RBBP8NL: variants seen among roughly 807,000 people sequenced by gnomAD.
RBBP8NL encodes the protein RBBP8 N-terminal-like protein.
RBBP8NL carries 59 observed loss-of-function variants against 62.2 expected under a neutral mutation model. The ratio of observed to expected loss-of-function variants is 0.95; its 90% confidence interval spans 0.77 to 1.18. RBBP8NL has a LOEUF of 1.18. Ranked by LOEUF, RBBP8NL falls within the 50% of genes most tolerant of loss-of-function variation. The probability of loss-of-function intolerance (pLI) is 0.00; values close to 1 mark genes in which losing one functional copy is unlikely to be tolerated. For missense variants in RBBP8NL, 896 were observed against 899.5 expected, an observed-to-expected ratio of 1.00 and a Z score of 0.05; for synonymous variants, 412 against 394.1, an observed-to-expected ratio of 1.05 and a Z score of -0.54.
intron 1 of RBBP8NL, among the ~76,000 whole-genome samples, chr20:62,426,509 A>G (rs890103686): frequency 6.6e-6 from 1 of 152,234 alleles, no homozygotes; most frequent in Non-Finnish European, 1.5e-5. Flanking sequence ...AGGTTTGGAC[A>G]CTGAGGCTTG....
At chr20:62,417,148 C>T (rs550717569) in intron 4 of RBBP8NL, 76 bp downstream of exon 4, 9 of 1,117,848 alleles carry the variant, frequency 8.1e-6, no homozygotes, top group African/African-American at 6.3e-5. Context: ...ACTCATTCTC[C>T]GAGGAGCCCT....
Position 62,415,793 on chromosome 20 carries a change from C to A in RBBP8NL, c.539G>T (p.Gly180Val), listed in dbSNP as rs1165220992. 6.8e-6 allele frequency: 11 copies of A among 1,611,882 alleles called. No individual in the cohort carries two copies. Among genetic ancestry groups the A allele is most frequent in the Non-Finnish European group, 8.5e-6 (10 of 1,179,878 alleles). ...EEDHQGVGLR[G>V]EEKPAGHRTS... is the part of the protein sequence containing the mutation. ...TCACCCGGTCCCCACAGCACCTTCT[C>A]CCCGTAGGCCCACGCCCTGGTGGTC... The change falls in exon 7 of 14, where the codon GGA becomes GTA. Residue 180 changes from glycine to valine, a missense_variant. Coordinates refer to ENST00000252998, the MANE Select transcript of RBBP8NL (RefSeq NM_080833.3).
rs1988499228 is a variant in RBBP8NL, at chr20:62,414,011, C to T, written c.1340G>A (p.Trp447Ter). ...AGTGTCCTGGCCCCGGGCCCGGCCC[C>T]ACTCCGAGAGGTCCAGGGGCTTGTC... is the stretch of plus-strand genomic sequence containing the variant. ...ALDKPLDLSE[W>*]GRARGQDTPK... Residue 447 changes from tryptophan to a stop codon, truncating the protein, a stop_gained, in exon 10 of 14, where the codon TGG (tryptophan) becomes TAG (stop). Transcript: ENST00000252998. LOFTEE classifies it high-confidence loss of function. 1 of 1,580,666 alleles carries T rather than the reference C, an allele frequency of 6.3e-7. No homozygotes were observed. The highest frequency in any genetic ancestry group is 2.3e-5 in the East Asian group (1 of 43,258).
At position 62,415,163 on chromosome 20, in the gene RBBP8NL, C is replaced by A; in HGVS notation, c.752G>T (p.Ser251Ile). 1 of 1,515,142 alleles carries A rather than the reference C, an allele frequency of 6.6e-7. No individual in the cohort carries two copies. The highest frequency in any genetic ancestry group is 1.3e-5 in the South Asian group (1 of 76,732). 93.9% of individuals were successfully genotyped at this position (1,515,142 alleles called of 1,614,324 possible). ...GTPPPLPARS[S>I]PPSPAYERGL... ...ACGCTCATACGCTGGGCTGGGTGGG[C>A]TGCTCCTGGCGGGCAGTGGTGGGGG... is the stretch of plus-strand genomic sequence containing the variant. The change falls in exon 9 of 14, where the codon AGC becomes ATC. Residue 251 changes from serine to isoleucine, a missense_variant. Physicochemically the swap from Ser to Ile is moderately radical, Grantham distance 142. Coordinates refer to ENST00000252998, the MANE Select transcript of RBBP8NL (RefSeq NM_080833.3).
At chr20:62,426,096 G>A (rs867524717) in intron 1 of RBBP8NL, among the ~76,000 whole-genome samples, 37 of 151,032 alleles carry the variant, frequency 2.4e-4, no homozygotes, top group African/African-American at 3.7e-4. Flanking sequence ...AAGTAGCAGC[G>A]GCAGCGGCAG....
In RBBP8NL at chr20:62,412,764, G is replaced by T. The variant is rs778569647; in HGVS notation, c.1747-11C>A. On this transcript the variant is annotated splice_polypyrimidine_tract_variant and intron_variant, in intron 12 of 13. Transcript: ENST00000252998. ...GGAGCTCAGGCCCACCTGGGGAGAAGGGGGTGTGGTCACGAGGAGGACTGC... is the reference window on the plus strand; with the variant it reads ...GGAGCTCAGGCCCACCTGGGGAGAATGGGGTGTGGTCACGAGGAGGACTGC... The T allele has an allele frequency of 2.2e-5, 35 of 1,612,632 alleles. No homozygotes were observed. Among genetic ancestry groups the T allele is most frequent in the African/African-American group, 2.7e-5 (2 of 74,946 alleles).
intron 1 of RBBP8NL, among the ~76,000 whole-genome samples, chr20:62,425,591 G>A (rs1988786585): frequency 6.6e-6 from 1 of 152,200 alleles, no homozygotes; most frequent in South Asian, 2.1e-4. Flanking sequence ...GGGAGGCCGG[G>A]CCCCCTGAGC....
At chr20:62,425,510 C>T (rs766938853) in intron 1 of RBBP8NL, among the ~76,000 whole-genome samples, 1 of 152,254 alleles carries the variant, frequency 6.6e-6, no homozygotes, top group Non-Finnish European at 1.5e-5. Context: ...CAGCTGTGGC[C>T]CTGGCAGGAC....
At chr20:62,419,263 C>A (rs1988647488) in intron 2 of RBBP8NL, among the ~76,000 whole-genome samples, 1 of 152,146 alleles carries the variant, frequency 6.6e-6, no homozygotes, top group Admixed American at 6.5e-5. Flanking sequence ...AAAGCATGGG[C>A]AGCATGGGGC....
rs1156822081 is a variant in RBBP8NL, at chr20:62,416,744, G to A, written c.313+16C>T. The A allele has an allele frequency of 1.3e-6, 2 of 1,549,772 alleles. No homozygotes were observed. The highest frequency in any genetic ancestry group is 1.8e-6 in the Non-Finnish European group (2 of 1,138,530). On this transcript the variant is annotated intron_variant, in intron 5 of 13. Transcript: ENST00000252998. The stretch of plus-strand genomic sequence containing the variant: ...CCGTGGGAGAGGACCCCGGTTGTCT[G>A]GTGGGTGGGGCTCACTGAGGATGAA...
chr20:62,416,287 G>GC, intron 5 of RBBP8NL, 51 bp from the exon 6 acceptor site: 2 of 950,338 alleles, frequency 2.1e-6, no homozygotes, highest in East Asian at 2.7e-5. Context: ...GGGGACAGGG[G>GC]CAGGGGTGGG....
intron 1 of RBBP8NL, among the ~76,000 whole-genome samples, chr20:62,426,425 A>G (rs1372527684): frequency 6.6e-6 from 1 of 152,212 alleles, no homozygotes; most frequent in Non-Finnish European, 1.5e-5. Context: ...CACCCACTGC[A>G]TAGCTAGGTT....
rs1298813853 is a variant in RBBP8NL, at chr20:62,414,589, T to C, written c.795-33A>G. The C allele has an allele frequency of 2.6e-5, 36 of 1,401,636 alleles. 1 individual carries two copies. The South Asian group carries it at 6.4e-4, about 25-fold the overall frequency. 86.8% of individuals were successfully genotyped at this position (1,401,636 alleles called of 1,614,324 possible). On this transcript the variant is annotated intron_variant, in intron 9 of 13. Transcript: ENST00000252998. Reference sequence around the variant, plus strand: ...GGAGGAGAAGCCGAATGACCATGGCTGTGTGGAGCCGTGACCGTCCCAGCG... The same window carrying C: ...GGAGGAGAAGCCGAATGACCATGGCCGTGTGGAGCCGTGACCGTCCCAGCG...
At chr20:62,419,562 C>G in intron 2 of RBBP8NL, 25 bp downstream of exon 2, 1 of 1,612,922 alleles carries the variant, frequency 6.2e-7, no homozygotes, top group Non-Finnish European at 8.5e-7. Context: ...CCTCCCTAGC[C>G]TGGCATCTGT....
chr20:62,420,755 G>C (rs764582750), intron 1 of RBBP8NL, among the ~76,000 whole-genome samples: 1 of 152,236 alleles, frequency 6.6e-6, no homozygotes, highest in Non-Finnish European at 1.5e-5. Flanking sequence ...GTTCCAGGAA[G>C]AGGTAGGAGC....
intron 7 of RBBP8NL, 62 bp from the exon 8 acceptor site, chr20:62,415,722 C>T: frequency 6.2e-7 from 1 of 1,609,066 alleles, no homozygotes; most frequent in Non-Finnish European, 8.5e-7. Flanking sequence ...GCGGCCCAGC[C>T]CCAGGGGGAG....
At chr20:62,416,011 C>A in intron 6 of RBBP8NL, 66 bp from the exon 7 acceptor site, 1 of 1,481,574 alleles carries the variant, frequency 6.7e-7, no homozygotes, top group South Asian at 1.3e-5. Flanking sequence ...TCAGAAAAGC[C>A]GGGCCCACTC....
At chr20:62,412,292 T>C (rs1481972860) in intron 13 of RBBP8NL, among the ~76,000 whole-genome samples, 1 of 152,196 alleles carries the variant, frequency 6.6e-6, no homozygotes, top group Admixed American at 6.5e-5. Context: ...AGGATGATGG[T>C]GGGGACAATG....
chr20:62,411,077 G>T, intron 13 of RBBP8NL, 81 bp from the exon 14 acceptor site: 1 of 892,330 alleles, frequency 1.1e-6, no homozygotes, highest in Non-Finnish European at 1.8e-6. Context: ...GGGCCTCCTG[G>T]GTCTCCTCTG....
Sources: allele counts gnomAD v4.1 joint callset (sites outside exome capture counted in the v4.1 genomes callset), GRCh38; gene constraint gnomAD v4.1.1; transcripts MANE v1.5; gene names NCBI Gene and HGNC (gene_info 2026-07-23, HGNC 2026-07-21).